Variants in FAM219A observed in about 807,000 individuals in gnomAD.
The protein encoded by FAM219A is family with sequence similarity 219 member A, also known as protein FAM219A.
FAM219A carries 7 observed loss-of-function variants against 23.4 expected under a neutral mutation model. The observed-to-expected ratio is 0.30, with a 90% confidence interval of 0.17 to 0.56. The LOEUF (loss-of-function observed/expected upper bound fraction) is 0.56. FAM219A is among the 20% of genes least tolerant of loss of function. FAM219A has a pLI of 0.92. For missense variants in FAM219A, 166 were observed against 246.9 expected, an observed-to-expected ratio of 0.67 and a Z score of 2.20; for synonymous variants, 93 against 99.0, an observed-to-expected ratio of 0.94 and a Z score of 0.36.
intron 1 of FAM219A, among the ~76,000 whole-genome samples, chr9:34,454,400 C>G (rs1277269701): frequency 6.6e-6 from 1 of 152,198 alleles, no homozygotes; most frequent in East Asian, 1.9e-4. Flanking sequence ...CACACCACCG[C>G]ACTCCAGCCT....
chr9:34,426,950 C>CTT (rs879412912), intron 1 of FAM219A, among the ~76,000 whole-genome samples: 1 of 145,628 alleles, frequency 6.9e-6, no homozygotes, highest in Non-Finnish European at 1.5e-5. Context: ...TCAACCAGCA[C>CTT]TTTTTTTTTT....
intron 1 of FAM219A, among the ~76,000 whole-genome samples, chr9:34,413,303 T>C (rs1340331182): frequency 1.3e-5 from 2 of 151,442 alleles, no homozygotes; most frequent in Non-Finnish European, 2.9e-5. Context: ...CACTAAGGGG[T>C]TGGGAAAAAG....
Position 34,417,540 on chromosome 9 carries a change from A to G in FAM219A, c.61-11576T>C, listed in dbSNP as rs1204046639. On this transcript the variant is annotated intron_variant, in intron 1 of 5. Coordinates refer to ENST00000651358, the MANE Select transcript of FAM219A (RefSeq NM_001184940.2). The surrounding 1 kb of genome is among the most constrained non-coding windows in gnomAD (Gnocchi z 4.1). Reference sequence around the variant, plus strand: ...TTACATTTAGGATCATTTCCTAAATAAAGTAGATTACTCAGTAAAAAACAT... The same window carrying G: ...TTACATTTAGGATCATTTCCTAAATGAAGTAGATTACTCAGTAAAAAACAT... Among the ~76,000 whole-genome samples, 4 of 152,242 alleles carry G rather than the reference A, an allele frequency of 2.6e-5. No individual in the cohort carries two copies. The highest frequency in any genetic ancestry group is 4.4e-5 in the Non-Finnish European group (3 of 68,042).
intron 5 of FAM219A, among the ~76,000 whole-genome samples, 153 bp from the exon 6 acceptor site, chr9:34,401,275 G>A (rs912169576): frequency 3.3e-5 from 5 of 152,068 alleles, no homozygotes; most frequent in South Asian, 2.1e-4. Flanking sequence ...CCCAGGCCCC[G>A]CTCCTGCCTA....
At position 34,448,366 on chromosome 9, in the gene FAM219A, C is replaced by T. The variant is rs533348076; in HGVS notation, c.60+9838G>A. Reference sequence around the variant, plus strand: ...TCCCCCTGCTGAAGACCATAGCAGACATGGAAAATCAACCAAACCATGTCA... The same window carrying T: ...TCCCCCTGCTGAAGACCATAGCAGATATGGAAAATCAACCAAACCATGTCA... On this transcript the variant is annotated intron_variant, in intron 1 of 5. Coordinates refer to ENST00000651358, the MANE Select transcript of FAM219A (RefSeq NM_001184940.2). Among the ~76,000 whole-genome samples the T allele has an allele frequency of 3.8e-4, 58 of 152,300 alleles. 1 individual carries two copies. Among genetic ancestry groups the T allele is most frequent in the Admixed American group, 3.1e-3 (47 of 15,296 alleles).
At chr9:34,429,418 C>T (rs561456194) in intron 1 of FAM219A, among the ~76,000 whole-genome samples, 9 of 152,216 alleles carry the variant, frequency 5.9e-5, no homozygotes, top group African/African-American at 2.2e-4. Context: ...CCTCCTCACT[C>T]ACCAGCTCAG....
At chr9:34,418,967 C>T (rs1822143808) in intron 1 of FAM219A, among the ~76,000 whole-genome samples, 1 of 151,976 alleles carries the variant, frequency 6.6e-6, no homozygotes, top group African/African-American at 2.4e-5. Context: ...CCCAACTACT[C>T]AGGAGGCTGA....
chr9:34,412,624 G>A (rs1401854294), intron 1 of FAM219A, among the ~76,000 whole-genome samples: 2 of 151,892 alleles, frequency 1.3e-5, no homozygotes, highest in Non-Finnish European at 2.9e-5. Flanking sequence ...AACCAAGGGT[G>A]AAGTTCTGGG....
chr9:34,444,090 A>T (rs1317812565), intron 1 of FAM219A, among the ~76,000 whole-genome samples: 2 of 152,210 alleles, frequency 1.3e-5, no homozygotes, highest in Non-Finnish European at 2.9e-5. Flanking sequence ...CCTCTAGGCC[A>T]GAGCTGGATG....
intron 2 of FAM219A, among the ~76,000 whole-genome samples, chr9:34,403,101 G>A (rs1821513035): frequency 1.3e-5 from 2 of 152,210 alleles, no homozygotes; most frequent in Admixed American, 1.3e-4. Flanking sequence ...GCTGGCGGGG[G>A]AGAGACAATC....
intron 1 of FAM219A, among the ~76,000 whole-genome samples, chr9:34,448,760 A>C (rs896324377): frequency 2.0e-5 from 3 of 152,176 alleles, no homozygotes; most frequent in African/African-American, 7.2e-5. Flanking sequence ...GGTAAAAATG[A>C]GAAATAGAAC....
chr9:34,430,887 C>T (rs1213626512), intron 1 of FAM219A, among the ~76,000 whole-genome samples: 1 of 142,056 alleles, frequency 7.0e-6, no homozygotes, highest in East Asian at 1.9e-4. Context: ...GGGCACAATG[C>T]CTTAAGGACA....
intron 1 of FAM219A, among the ~76,000 whole-genome samples, chr9:34,430,779 C>T (rs1822665228): frequency 6.6e-6 from 1 of 151,890 alleles, no homozygotes; most frequent in Non-Finnish European, 1.5e-5. Flanking sequence ...GAGGTGGAAG[C>T]TGTAGTGAGC....
chr9:34,439,421 A>G (rs1823076202), intron 1 of FAM219A, among the ~76,000 whole-genome samples: 1 of 152,230 alleles, frequency 6.6e-6, no homozygotes, highest in Non-Finnish European at 1.5e-5. Flanking sequence ...AAGGCACAGG[A>G]GACAAATGGT....
rs201453650 is a variant in FAM219A at position 34,413,103 on chromosome 9, T to A, written c.61-7139A>T. Among the ~76,000 whole-genome samples, 6 of 151,684 alleles carry A rather than the reference T, an allele frequency of 4.0e-5. No homozygotes were observed. In the East Asian group the frequency reaches 1.2e-3, roughly 29 times the overall value. ...TGGTCTTTGAGGAATCATGAGCAGATGGAGCCAGAACTTTGGACCATGGGA... is the reference window on the plus strand; with the variant it reads ...TGGTCTTTGAGGAATCATGAGCAGAAGGAGCCAGAACTTTGGACCATGGGA... On this transcript the variant is annotated intron_variant, in intron 1 of 5. Transcript: ENST00000651358.
intron 1 of FAM219A, among the ~76,000 whole-genome samples, chr9:34,433,087 C>A (rs566559402): frequency 1.3e-5 from 2 of 152,176 alleles, no homozygotes; most frequent in African/African-American, 4.8e-5. Context: ...AAATTGGAAT[C>A]CTTCTGAAAG....
At chr9:34,450,092 G>A (rs776277563) in intron 1 of FAM219A, among the ~76,000 whole-genome samples, 134 of 152,168 alleles carry the variant, frequency 8.8e-4, no homozygotes, top group Non-Finnish European at 1.5e-3. Flanking sequence ...TGAATAGATC[G>A]CTTGAGCTCA....
chr9:34,440,673 A>T (rs1483624243), intron 1 of FAM219A, among the ~76,000 whole-genome samples: 2 of 151,820 alleles, frequency 1.3e-5, no homozygotes, highest in African/African-American at 4.8e-5. Flanking sequence ...ACACGGTGAA[A>T]CCCCGTCTCT....
intron 1 of FAM219A, among the ~76,000 whole-genome samples, chr9:34,421,795 G>C (rs1284134230): frequency 2.6e-5 from 4 of 151,536 alleles, no homozygotes. Flanking sequence ...TGTGCCCCTA[G>C]GACAGTGTTT....
Sources: gnomAD v4.1 joint callset for allele counts (sites outside exome capture counted in the v4.1 genomes callset) on GRCh38, gnomAD v4.1.1 for gene constraint, Gnocchi (gnomAD v3.1) non-coding constraint, MANE v1.5 for transcripts, NCBI Gene and HGNC (gene_info 2026-07-23, HGNC 2026-07-21) for gene names.